Variants in UPF2 observed in about 807,000 individuals in gnomAD.
The protein encoded by UPF2 is regulator of nonsense transcripts 2.
A neutral mutation model predicts 141.4 loss-of-function variants in UPF2; 17 were observed. The observed-to-expected ratio is 0.12, with a 90% CI of 0.08 to 0.18. UPF2 has a LOEUF of 0.18. Ranked by LOEUF, UPF2 falls within the 10% of genes least tolerant of loss-of-function variation. The pLI is 1.00. For missense variants in UPF2, 1,152 were observed against 1,515.9 expected, an observed-to-expected ratio of 0.76 and a Z score of 3.99; for synonymous variants, 540 against 498.0, an observed-to-expected ratio of 1.08 and a Z score of -1.12.
At chr10:12,022,690 T>C (rs909256734) in intron 3 of UPF2, among the ~76,000 whole-genome samples, 7 of 152,120 alleles carry the variant, frequency 4.6e-5, no homozygotes, top group Non-Finnish European at 7.4e-5. Context: ...AATTAATTAA[T>C]TGGTATTAAC....
chr10:12,035,642 G>T, intron 1 of UPF2: 1 of 518,570 alleles, frequency 1.9e-6, no homozygotes, highest in Non-Finnish European at 3.0e-6. Flanking sequence ...TTAGGCCTAT[G>T]TCTAAGTACT....
intron 16 of UPF2, 21 bp from the exon 17 acceptor site, chr10:11,943,189 A>C (rs1832957360): frequency 1.3e-6 from 2 of 1,558,458 alleles, no homozygotes; most frequent in Non-Finnish European, 1.8e-6. Flanking sequence ...TGAACATTAG[A>C]AGATTAAATA....
At chr10:11,975,698 AG>A (rs1485382640) in intron 9 of UPF2, among the ~76,000 whole-genome samples, 1 of 146,476 alleles carries the variant, frequency 6.8e-6, no homozygotes, top group African/African-American at 2.5e-5. Flanking sequence ...TTTTTTTTTT[AG>A]GGAGACGGAG....
chr10:11,964,476 A>C (rs1833288367), intron 10 of UPF2, among the ~76,000 whole-genome samples: 1 of 152,172 alleles, frequency 6.6e-6, no homozygotes. Context: ...TCACTACAAA[A>C]GTATTATTTG....
intron 11 of UPF2, among the ~76,000 whole-genome samples, chr10:11,963,581 G>C (rs146809165): frequency 1.3e-5 from 2 of 152,158 alleles, no homozygotes; most frequent in Non-Finnish European, 2.9e-5. Flanking sequence ...GAATACAGGC[G>C]TGAGCCACTG....
At chr10:11,932,501 C>T (rs79863033) in intron 19 of UPF2, among the ~76,000 whole-genome samples, 6,938 of 152,144 alleles carry the variant, frequency 0.046, 216 homozygotes, top group Non-Finnish European at 0.069. Flanking sequence ...AACAAAAACA[C>T]ATTTTATGAA....
chr10:11,968,029 A>C (rs925907420), intron 9 of UPF2, among the ~76,000 whole-genome samples: 1 of 152,144 alleles, frequency 6.6e-6, no homozygotes, highest in African/African-American at 2.4e-5. Flanking sequence ...AAACACAAAA[A>C]TTAGCCAGGC....
rs1259022473 is a variant in UPF2, at chr10:11,920,432, G to C, written c.*866C>G. On this transcript the variant is annotated 3_prime_UTR_variant, in exon 22 of 22. Transcript: ENST00000357604. ...TTAGAGACAGAGGCTGTAAACCCAT[G>C]AAGGTCAACAAAATATTCTCATCCA... is the stretch of plus-strand genomic sequence containing the variant. 6.6e-6 allele frequency: 1 copy of C among 152,370 alleles called. No individual in the cohort carries two copies. The highest frequency in any genetic ancestry group is 2.4e-5 in the African/African-American group (1 of 41,418). The allele number at this position is 152,370 out of a possible 1,614,324, so 9.4% of individuals were successfully genotyped here. A position where few individuals can be genotyped will look rare whatever the true frequency, so the allele number is the denominator to read the frequency against.
In UPF2 at chr10:12,035,224, T is replaced by A; in HGVS notation, c.200A>T (p.Lys67Met). 1 of 1,613,704 alleles carries A rather than the reference T, an allele frequency of 6.2e-7. No individual in the cohort carries two copies. Among genetic ancestry groups the A allele is most frequent in the Non-Finnish European group, 8.5e-7 (1 of 1,179,982 alleles). Residue 67 changes from lysine to methionine, a missense_variant, in exon 2 of 22, where the codon AAG becomes ATG. This residue lies in a region of UPF2 where 145 missense variants were observed against 136.5 expected (regional missense o/e 1.06). Coordinates refer to ENST00000357604, the MANE Select transcript of UPF2 (RefSeq NM_015542.4). ...TTTTTTCTTGCGTTCCTTGTCTTCC[T>A]TTTTTCTCTTATCATCTTCCAGTCT... The part of the protein sequence containing the change: ...KKRLEDDKRK[K>M]EDKERKKKDE...
intron 14 of UPF2, among the ~76,000 whole-genome samples, chr10:11,952,525 A>AGT (rs1253827521): frequency 1.6e-5 from 2 of 124,208 alleles, no homozygotes; most frequent in Non-Finnish European, 3.1e-5. Flanking sequence ...CCCAGTCTGG[A>AGT]GTGCAGTGGC....
intron 16 of UPF2, among the ~76,000 whole-genome samples, chr10:11,947,347 C>T (rs149869727): frequency 7.2e-4 from 110 of 152,242 alleles, no homozygotes; most frequent in African/African-American, 2.3e-3. Context: ...CAATTACTAT[C>T]GTATATGTTG....
chr10:11,931,109 A>G lies in UPF2; in HGVS notation c.3688+532T>C, dbSNP rs1212438187. Among the ~76,000 whole-genome samples, 1 of 152,204 alleles carries G rather than the reference A, an allele frequency of 6.6e-6. No individual in the cohort carries two copies. Among genetic ancestry groups the G allele is most frequent in the Non-Finnish European group, 1.5e-5 (1 of 68,034 alleles). On this transcript the variant is annotated intron_variant, in intron 20 of 21. Transcript: ENST00000357604. The surrounding 1 kb of genome is among the most constrained non-coding windows in gnomAD (Gnocchi z 5.9). ...CAGCTTCCTCAAGACCAGGACTCCA[A>G]GTAGACAAAAGGAGGTAAATACAGT...
In UPF2 at chr10:12,029,358, G is replaced by C; in HGVS notation, c.532C>G (p.Leu178Val). 6.2e-7 allele frequency: 1 copy of C among 1,614,142 alleles called. No individual in the cohort carries two copies. The highest frequency in any genetic ancestry group is 8.5e-7 in the Non-Finnish European group (1 of 1,180,024). ...CTCTGTTGTTCTGTAATAGTTTTTA[G>C]TTTCTTGACAAAAGCAGTATTTTTC... ...LKKNTAFVKK[L>V]KTITEQQRDS... is the part of the protein sequence containing the mutation. Residue 178 changes from leucine (L) to valine (V), a missense_variant, in exon 3 of 22, where the codon CTA becomes GTA. This residue lies in a region of UPF2 where 739 missense variants were observed against 1,032.2 expected (regional missense o/e 0.72). Transcript: ENST00000357604.
At chr10:12,036,765 C>T (rs1049471215) in intron 1 of UPF2, among the ~76,000 whole-genome samples, 2 of 152,144 alleles carry the variant, frequency 1.3e-5, no homozygotes, top group East Asian at 3.8e-4. Context: ...GTGGCTCATG[C>T]CTATAATCTC....
intron 4 of UPF2, among the ~76,000 whole-genome samples, chr10:12,007,065 T>TC (rs1303846022): frequency 6.6e-6 from 1 of 152,134 alleles, no homozygotes; most frequent in African/African-American, 2.4e-5. Flanking sequence ...AGTTGCCCGG[T>TC]CTAGGGTATT....
chr10:11,974,869 CTG>C (rs1652319559), intron 9 of UPF2, among the ~76,000 whole-genome samples: 1 of 152,064 alleles, frequency 6.6e-6, no homozygotes, highest in Admixed American at 6.6e-5. Context: ...GGAGGGGAAA[CTG>C]AAAATTCTAT....
intron 16 of UPF2, among the ~76,000 whole-genome samples, chr10:11,945,604 T>C (rs907950545): frequency 1.1e-4 from 17 of 152,172 alleles, no homozygotes; most frequent in Admixed American, 6.5e-5. Context: ...ATGTATCCTG[T>C]GCAACATGCA....
chr10:12,023,429 C>T (rs1173591073), intron 3 of UPF2, among the ~76,000 whole-genome samples: 1 of 149,654 alleles, frequency 6.7e-6, no homozygotes, highest in Non-Finnish European at 1.5e-5. Flanking sequence ...AATCCTAGCA[C>T]TTTGGGAGGC....
At position 11,936,609 on chromosome 10, in the gene UPF2, C is replaced by T. The variant is rs748173809; in HGVS notation, c.3482G>A (p.Gly1161Glu). 3 of 1,613,354 alleles carry T rather than the reference C, an allele frequency of 1.9e-6. No homozygotes were observed. Among genetic ancestry groups the T allele is most frequent in the East Asian group, 2.2e-5 (1 of 44,854 alleles). ...CATTGTGTCTGCAGACTCAGCCTCT[C>T]CTTCCCCACCTCCCAGTGGGGGCCC... is the stretch of plus-strand genomic sequence containing the variant. ...RKGPPLGGGE[G>E]EAESADTMPF... The change falls in exon 19 of 22, where the codon GGA becomes GAA. Residue 1161 changes from glycine to glutamate, a missense_variant. Gly to Glu is a moderately conservative substitution (Grantham distance 98). Coordinates refer to ENST00000357604, the MANE Select transcript of UPF2 (RefSeq NM_015542.4). The surrounding 1 kb of genome is among the most constrained non-coding windows in gnomAD (Gnocchi z 6.6).
Sources: allele counts gnomAD v4.1 joint callset (sites outside exome capture counted in the v4.1 genomes callset), GRCh38; gene constraint gnomAD v4.1.1; regional missense constraint gnomAD v4.1.1; non-coding constraint Gnocchi (gnomAD v3.1); transcripts MANE v1.5; gene names NCBI Gene and HGNC (gene_info 2026-07-23, HGNC 2026-07-21).